The following GRB10 variants were observed in gnomAD, a reference collection of about 807,000 sequenced individuals.
The protein encoded by GRB10 is growth factor receptor bound protein 10, also known as growth factor receptor-bound protein 10.
GRB10 carries 20 observed loss-of-function variants against 80.9 expected under a neutral mutation model. That is an observed-to-expected ratio of 0.25 (90% confidence interval 0.17 to 0.36). The LOEUF (loss-of-function observed/expected upper bound fraction) is 0.36, where lower values mean the gene tolerates loss of function less well. GRB10 is among the 10% of genes least tolerant of loss of function. The probability of loss-of-function intolerance (pLI) is 1.00; values close to 1 mark genes in which losing one functional copy is unlikely to be tolerated. For synonymous variants in GRB10, 291 were observed against 291.5 expected (o/e 1.00, Z 0.02); for missense variants, 548 against 747.7 (o/e 0.73, Z 3.12).
At chr7:50,769,896 G>C (rs1363886907) in intron 2 of GRB10, among the ~76,000 whole-genome samples, 1 of 152,108 alleles carries the variant, frequency 6.6e-6, no homozygotes, top group Non-Finnish European at 1.5e-5. Context: ...GAATGACGTT[G>C]GTATCACAGT....
chr7:50,756,814 A>G (rs928193659), intron 2 of GRB10, among the ~76,000 whole-genome samples: 6 of 152,188 alleles, frequency 3.9e-5, no homozygotes, highest in African/African-American at 1.4e-4. Flanking sequence ...CTCACTGAGG[A>G]TTTTAATACA....
intron 3 of GRB10, among the ~76,000 whole-genome samples, chr7:50,734,951 G>A (rs992057556): frequency 5.3e-5 from 8 of 152,258 alleles, no homozygotes; most frequent in East Asian, 1.9e-4. Flanking sequence ...GGAAGTCCTC[G>A]CCAGAGCACT....
chr7:50,792,259 T>A (rs967139730), intron 1 of GRB10, among the ~76,000 whole-genome samples: 8 of 151,714 alleles, frequency 5.3e-5, no homozygotes, highest in Admixed American at 4.6e-4. Context: ...ATCTCTTGAA[T>A]GAAACTGGGC....
chr7:50,606,294 G>A (rs1208081956), intron 14 of GRB10, 43 bp downstream of exon 14: 1 of 1,463,052 alleles, frequency 6.8e-7, no homozygotes, highest in South Asian at 1.1e-5. Context: ...TGATGCAGAA[G>A]CTGAAAAGGC....
chr7:50,659,473 G>A (rs1236669336), intron 7 of GRB10, among the ~76,000 whole-genome samples: 1 of 152,162 alleles, frequency 6.6e-6, no homozygotes, highest in Non-Finnish European at 1.5e-5. Context: ...TAAAGCCTTG[G>A]CTCAAATGCA....
At chr7:50,605,169 C>CACT in intron 15 of GRB10, 121 bp downstream of exon 15, 1 of 598,764 alleles carries the variant, frequency 1.7e-6, no homozygotes, top group Non-Finnish European at 2.8e-6. Flanking sequence ...GAGAACTCAC[C>CACT]CCACCCAACA....
At chr7:50,597,901 T>G (rs1012575425) in intron 17 of GRB10, among the ~76,000 whole-genome samples, 1 of 152,184 alleles carries the variant, frequency 6.6e-6, no homozygotes, top group Non-Finnish European at 1.5e-5. Context: ...TTTGCTCTTG[T>G]CACCCAGGCT....
chr7:50,647,099 T>C (rs1055793207), intron 7 of GRB10, among the ~76,000 whole-genome samples: 5 of 152,242 alleles, frequency 3.3e-5, no homozygotes, highest in African/African-American at 1.2e-4. Context: ...TCCAATTCTC[T>C]CTTCGGACAG....
At chr7:50,661,983 C>T (rs888658938) in intron 7 of GRB10, among the ~76,000 whole-genome samples, 4 of 152,300 alleles carry the variant, frequency 2.6e-5, no homozygotes, top group South Asian at 4.1e-4. Context: ...AGAGACCAGA[C>T]AGATTTGGTT....
intron 2 of GRB10, among the ~76,000 whole-genome samples, chr7:50,768,746 G>C (rs989931086): frequency 5.3e-5 from 8 of 152,182 alleles, no homozygotes; most frequent in African/African-American, 1.9e-4. Context: ...TATCAGTTCT[G>C]CAAAAGCTGC....
chr7:50,661,442 C>T (rs1255418870), intron 7 of GRB10, among the ~76,000 whole-genome samples: 1 of 152,216 alleles, frequency 6.6e-6, no homozygotes, highest in Non-Finnish European at 1.5e-5. Context: ...GCTCTAAAAA[C>T]TCATTATGTA....
chr7:50,769,275 A>G (rs1314334813), intron 2 of GRB10, among the ~76,000 whole-genome samples: 2 of 152,206 alleles, frequency 1.3e-5, no homozygotes, highest in Non-Finnish European at 2.9e-5. Flanking sequence ...GTTTCCTCTG[A>G]ATCTTTTTAG....
At chr7:50,652,456 G>A (rs1444468436) in intron 7 of GRB10, among the ~76,000 whole-genome samples, 1 of 152,216 alleles carries the variant, frequency 6.6e-6, no homozygotes, top group Non-Finnish European at 1.5e-5. Context: ...TTACACCAAA[G>A]AGGGTGGACA....
chr7:50,666,414 C>T (rs1336894318), intron 7 of GRB10, among the ~76,000 whole-genome samples: 1 of 152,190 alleles, frequency 6.6e-6, no homozygotes, highest in African/African-American at 2.4e-5. Flanking sequence ...CCCATGACTA[C>T]TCCCATGCAG....
In GRB10 at chr7:50,639,162, T is replaced by C. The variant is rs572330662; in HGVS notation, c.505-12184A>G. On this transcript the variant is annotated intron_variant, in intron 7 of 18. Coordinates refer to ENST00000401949, the MANE Select transcript of GRB10 (RefSeq NM_001350814.2). ...GGTAAAATCTTCACTATTTGGGTGA[T>C]GGGTACAGTAGAAACTCAAACCTCA... is the stretch of plus-strand genomic sequence containing the variant. Among the ~76,000 whole-genome samples the C allele has an allele frequency of 3.3e-5, 5 of 152,308 alleles. No individual in the cohort carries two copies. In the East Asian group the frequency reaches 9.6e-4, roughly 29 times the overall value.
intron 17 of GRB10, among the ~76,000 whole-genome samples, chr7:50,600,018 G>C (rs2047329203): frequency 6.6e-6 from 1 of 152,286 alleles, no homozygotes; most frequent in African/African-American, 2.4e-5. Context: ...AGGACACTTA[G>C]TGGCCACAGC....
At chr7:50,790,641 G>C (rs189072306) in intron 1 of GRB10, among the ~76,000 whole-genome samples, 57 of 152,344 alleles carry the variant, frequency 3.7e-4, no homozygotes, top group Middle Eastern at 3.4e-3. Context: ...CCTAACCCTA[G>C]ATACAAGCTC....
At chr7:50,621,997 C>T (rs1363666793) in intron 8 of GRB10, among the ~76,000 whole-genome samples, 9 of 152,200 alleles carry the variant, frequency 5.9e-5, no homozygotes, top group African/African-American at 9.7e-5. Context: ...ATGGCAGAGC[C>T]GGTGCACGGA....
intron 3 of GRB10, among the ~76,000 whole-genome samples, chr7:50,735,961 A>C (rs911455213): frequency 6.6e-6 from 1 of 152,218 alleles, no homozygotes; most frequent in African/African-American, 2.4e-5. Context: ...TTGAAAAAGA[A>C]CAACACGGAG....
Sources: gnomAD v4.1 joint callset for allele counts (sites outside exome capture counted in the v4.1 genomes callset) on GRCh38, gnomAD v4.1.1 for gene constraint, MANE v1.5 for transcripts, NCBI Gene and HGNC (gene_info 2026-07-23, HGNC 2026-07-21) for gene names.